USPL1: variants seen among roughly 807,000 people sequenced by gnomAD.
USPL1 encodes the protein SUMO-specific isopeptidase USPL1.
USPL1 carries 27 observed loss-of-function variants against 51.5 expected under a neutral mutation model. The ratio of observed to expected loss-of-function variants is 0.52; its 90% CI spans 0.39 to 0.72. USPL1 has a LOEUF of 0.72. USPL1 is among the 30% of genes least tolerant of loss of function. The probability of loss-of-function intolerance (pLI) is 0.00; values close to 1 mark genes in which losing one functional copy is unlikely to be tolerated. For missense variants in USPL1, 1,226 were observed against 1,268.0 expected, an observed-to-expected ratio of 0.97 and a Z score of 0.50; for synonymous variants, 451 against 459.6, an observed-to-expected ratio of 0.98 and a Z score of 0.24.
chr13:30,657,600 A>C lies in USPL1; in HGVS notation c.1523A>C (p.Glu508Ala). 2 of 1,614,204 alleles carry C rather than the reference A, an allele frequency of 1.2e-6. No individual in the cohort carries two copies. Among genetic ancestry groups the C allele is most frequent in the Non-Finnish European group, 1.7e-6 (2 of 1,180,014 alleles). Reference protein sequence around the residue: ...ERKISQVTDKEAACLPLKKTN... With the variant: ...ERKISQVTDKAAACLPLKKTN... ...AAAATATCCCAAGTGACAGATAAAG[A>C]AGCTGCCTGCCTTCCACTTAAAAAG... Residue 508 changes from glutamate to alanine, a missense_variant, in exon 9 of 9, where the codon GAA becomes GCA. By Grantham distance (107) the Glu-to-Ala change is moderately radical (BLOSUM62 -1). Coordinates refer to ENST00000255304, the MANE Select transcript of USPL1 (RefSeq NM_005800.5).
At chr13:30,640,980 T>C (rs1306770325) in intron 5 of USPL1, among the ~76,000 whole-genome samples, 1 of 152,240 alleles carries the variant, frequency 6.6e-6, no homozygotes, top group Non-Finnish European at 1.5e-5. Context: ...AGGGCAGAGC[T>C]GTTCCATATA....
At chr13:30,654,984 G>A (rs992444849) in intron 8 of USPL1, among the ~76,000 whole-genome samples, 7 of 151,498 alleles carry the variant, frequency 4.6e-5, no homozygotes, top group Non-Finnish European at 7.4e-5. Flanking sequence ...TGTTGCCCAG[G>A]CTGGAGTGTA....
At position 30,659,747 on chromosome 13, in the gene USPL1, T is replaced by C. The variant is rs958631255; in HGVS notation, c.*391T>C. On this transcript the variant is annotated 3_prime_UTR_variant, in exon 9 of 9. Coordinates refer to ENST00000255304, the MANE Select transcript of USPL1 (RefSeq NM_005800.5). ...CCTGGAAACCTGTTGCTCGTGGCGC[T>C]TTGCCCACGGTGCCCGAGTTCTTGT... 1.8e-5 allele frequency: 3 copies of C among 167,690 alleles called. No homozygotes were observed. Among genetic ancestry groups the C allele is most frequent in the Non-Finnish European group, 2.5e-5 (2 of 79,000 alleles). The allele number at this position is 167,690 out of a possible 1,614,324, so 10.4% of individuals were successfully genotyped here.
chr13:30,637,127 C>T (rs1950886879), intron 4 of USPL1, among the ~76,000 whole-genome samples: 1 of 151,828 alleles, frequency 6.6e-6, no homozygotes, highest in Non-Finnish European at 1.5e-5. Flanking sequence ...AGCTTTTTTT[C>T]TAAGAGATAG....
chr13:30,643,597 T>C (rs898508798), intron 6 of USPL1, among the ~76,000 whole-genome samples: 63 of 86,908 alleles, frequency 7.2e-4, no homozygotes, highest in African/African-American at 3.4e-3. Flanking sequence ...AATAACTCTT[T>C]CCACCCCCCC....
At position 30,658,814 on chromosome 13, in the gene USPL1, A is replaced by G. The variant is rs774037919; in HGVS notation, c.2737A>G (p.Arg913Gly). 8 of 1,614,020 alleles carry G rather than the reference A, an allele frequency of 5.0e-6. No homozygotes were observed. In the East Asian group the frequency reaches 1.6e-4, roughly 31 times the overall value. The change falls in exon 9 of 9, where the codon AGA becomes GGA. Residue 913 changes from arginine (R) to glycine (G), a missense_variant. Physicochemically the swap from Arg to Gly is moderately radical, Grantham distance 125. Coordinates refer to ENST00000255304, the MANE Select transcript of USPL1 (RefSeq NM_005800.5). The stretch of plus-strand genomic sequence containing the variant: ...TGCTCTTATGTCTTCCCCGCAAAGC[A>G]GAACAGTTCGAAGTGAAAATCTAGA... ...LAALMSSPQSRTVRSENLEQV... is the reference protein window; with the variant it reads ...LAALMSSPQSGTVRSENLEQV...
At chr13:30,625,372 C>A (rs1331856280) in intron 3 of USPL1, among the ~76,000 whole-genome samples, 1 of 151,614 alleles carries the variant, frequency 6.6e-6, no homozygotes, top group African/African-American at 2.4e-5. Flanking sequence ...AAGTCCTTGT[C>A]CCCAGGAGTT....
At chr13:30,648,117 C>T (rs182326125) in intron 7 of USPL1, among the ~76,000 whole-genome samples, 13 of 152,278 alleles carry the variant, frequency 8.5e-5, no homozygotes, top group Admixed American at 5.9e-4. Flanking sequence ...ACTCAGTACT[C>T]GGTGTTTGCA....
At chr13:30,647,512 T>C (rs1043313928) in intron 7 of USPL1, among the ~76,000 whole-genome samples, 3 of 152,208 alleles carry the variant, frequency 2.0e-5, no homozygotes, top group Non-Finnish European at 4.4e-5. Flanking sequence ...TCTAGTGGCC[T>C]TGAGCAGATA....
chr13:30,655,688 A>G (rs916247359), intron 8 of USPL1, among the ~76,000 whole-genome samples: 1 of 152,234 alleles, frequency 6.6e-6, no homozygotes, highest in African/African-American at 2.4e-5. Flanking sequence ...CATGTTTTGC[A>G]ACATAAAATG....
At chr13:30,633,715 C>T (rs1593370779) in intron 4 of USPL1, among the ~76,000 whole-genome samples, 1 of 137,646 alleles carries the variant, frequency 7.3e-6, no homozygotes. Context: ...GGAAGTTGAA[C>T]AATCACTTGA....
At chr13:30,624,270 T>C (rs1450938413) in intron 3 of USPL1, among the ~76,000 whole-genome samples, 1 of 152,038 alleles carries the variant, frequency 6.6e-6, no homozygotes, top group East Asian at 1.9e-4. Flanking sequence ...GGATAGAATA[T>C]GTGAAAATTG....
intron 7 of USPL1, among the ~76,000 whole-genome samples, chr13:30,651,995 C>G (rs569320659): frequency 2.6e-5 from 4 of 151,766 alleles, no homozygotes; most frequent in African/African-American, 9.7e-5. Flanking sequence ...GTGCCTAAAG[C>G]CTGTGTGTCT....
intron 6 of USPL1, 104 bp from the exon 7 acceptor site, chr13:30,646,828 G>T (rs1473866264): frequency 7.9e-7 from 1 of 1,271,328 alleles, no homozygotes; most frequent in Non-Finnish European, 1.1e-6. Flanking sequence ...GGGGAAATAA[G>T]AAAGTATGAA....
intron 7 of USPL1, among the ~76,000 whole-genome samples, chr13:30,647,741 G>C (rs1399489030): frequency 6.6e-6 from 1 of 152,030 alleles, no homozygotes; most frequent in Non-Finnish European, 1.5e-5. Context: ...ATGTTTTGAG[G>C]TCTAATTTGA....
rs941626667 is a variant in USPL1 at position 30,653,078 on chromosome 13, A to G, written c.1239-70A>G. ...GTGTTATGTGTGACTAGTTCACTTC[A>G]GACATCTTTTGTATAATCAGACACA... is the stretch of plus-strand genomic sequence containing the variant. On this transcript the variant is annotated intron_variant, in intron 7 of 8. Coordinates refer to ENST00000255304, the MANE Select transcript of USPL1 (RefSeq NM_005800.5). 7.6e-6 allele frequency: 11 copies of G among 1,453,306 alleles called. No homozygotes were observed. The Admixed American group carries it at 1.1e-4, about 14-fold the overall frequency. 90.0% of individuals were successfully genotyped at this position (1,453,306 alleles called of 1,614,324 possible). A position where few individuals can be genotyped will look rare whatever the true frequency, so the allele number is the denominator to read the frequency against.
chr13:30,645,246 T>G (rs985635426), intron 6 of USPL1, among the ~76,000 whole-genome samples: 1 of 152,348 alleles, frequency 6.6e-6, no homozygotes, highest in Admixed American at 6.5e-5. Context: ...CTTAGTTGTT[T>G]GACAGTTTTC....
intron 3 of USPL1, among the ~76,000 whole-genome samples, chr13:30,624,144 A>G (rs1190273156): frequency 1.3e-5 from 2 of 152,174 alleles, no homozygotes; most frequent in African/African-American, 2.4e-5. Flanking sequence ...CATGGTCTCT[A>G]GGTAGATAAC....
Position 30,630,939 on chromosome 13 carries a change from C to T in USPL1, c.333C>T (p.Ser111=), listed in dbSNP as rs1566049063. 8 of 1,614,106 alleles carry T rather than the reference C, an allele frequency of 5.0e-6. No individual in the cohort carries two copies. The highest frequency in any genetic ancestry group is 6.8e-6 in the Non-Finnish European group (8 of 1,180,028). ...HKPQKRKSLE[S]SYKDSLLLAN... ...CTCAGAAAAGGAAGAGCTTAGAAAG[C>T]AGCTATAAGGATTCACTTCTTTTAG... is the stretch of plus-strand genomic sequence containing the variant. Residue 111 remains serine (S), a synonymous_variant, in exon 4 of 9, where the codon AGC becomes AGT. Transcript: ENST00000255304.
Sources: gnomAD v4.1 joint callset for allele counts (sites outside exome capture counted in the v4.1 genomes callset) on GRCh38, gnomAD v4.1.1 for gene constraint, MANE v1.5 for transcripts, NCBI Gene and HGNC (gene_info 2026-07-23, HGNC 2026-07-21) for gene names.